Variants in PPARGC1B observed in about 807,000 individuals in gnomAD.
The protein encoded by PPARGC1B is peroxisome proliferator-activated receptor gamma coactivator 1-beta.
PPARGC1B carries 34 observed loss-of-function variants against 101.6 expected under a neutral mutation model. The ratio of observed to expected loss-of-function variants is 0.33; its 90% CI spans 0.25 to 0.45. The LOEUF is 0.45. Among genes scored for constraint, PPARGC1B ranks in the 20% least tolerant of loss-of-function variants. PPARGC1B has a pLI of 1.00. For missense variants in PPARGC1B, 1,234 were observed against 1,317.6 expected (o/e 0.94, Z 0.98); for synonymous variants, 548 against 539.3 (o/e 1.02, Z -0.22).
rs756253235 is a variant in PPARGC1B, at chr5:149,833,203, C to T, written c.1130C>T (p.Pro377Leu). 6 of 1,613,350 alleles carry T rather than the reference C, an allele frequency of 3.7e-6. No individual in the cohort carries two copies. Among genetic ancestry groups the T allele is most frequent in the Non-Finnish European group, 5.1e-6 (6 of 1,180,006 alleles). ...ASLTPRSRPR[P>L]PKDSQASPGR... Reference sequence around the variant, plus strand: ...CTCACACCTCGGTCAAGGCCCAGGCCCCCCAAAGACAGTCAGGCCTCCCCT... The same window carrying T: ...CTCACACCTCGGTCAAGGCCCAGGCTCCCCAAAGACAGTCAGGCCTCCCCT... Residue 377 changes from proline (P) to leucine (L), a missense_variant, in exon 5 of 12, where the codon CCC (proline) becomes CTC (leucine). Physicochemically the swap from Pro to Leu is moderately conservative, Grantham distance 98 (BLOSUM62 -3). Transcript: ENST00000309241. The surrounding 1 kb of genome is among the most constrained non-coding windows in gnomAD (Gnocchi z 4.1).
At chr5:149,776,838 C>T (rs551413221) in intron 1 of PPARGC1B, among the ~76,000 whole-genome samples, 73 of 152,302 alleles carry the variant, frequency 4.8e-4, no homozygotes, top group African/African-American at 1.6e-3. Context: ...TGGAAATGGC[C>T]CCGTAACCTT....
chr5:149,803,068 C>T (rs932994311), intron 1 of PPARGC1B, among the ~76,000 whole-genome samples: 3 of 152,182 alleles, frequency 2.0e-5, no homozygotes, highest in African/African-American at 7.2e-5. Flanking sequence ...TGACACTTTT[C>T]CACCCTGCCC....
chr5:149,781,481 A>C (rs990667065), intron 1 of PPARGC1B, among the ~76,000 whole-genome samples: 2 of 152,210 alleles, frequency 1.3e-5, no homozygotes, highest in Non-Finnish European at 2.9e-5. Context: ...TCTGCCTCTC[A>C]GTCTTCTTGT....
intron 2 of PPARGC1B, among the ~76,000 whole-genome samples, chr5:149,825,084 C>T (rs546202020): frequency 2.6e-5 from 4 of 151,954 alleles, no homozygotes; most frequent in South Asian, 4.2e-4. Flanking sequence ...TGCCTTCTGC[C>T]AGAACAGCCC....
chr5:149,856,031 C>T (rs1487146479), downstream of PPARGC1B, among the ~76,000 whole-genome samples: 1 of 152,080 alleles, frequency 6.6e-6, no homozygotes, highest in Non-Finnish European at 1.5e-5. Context: ...GCAGGAGAAT[C>T]GCTTGAACCC....
chr5:149,784,505 A>G (rs1273103162), intron 1 of PPARGC1B, among the ~76,000 whole-genome samples: 1 of 141,918 alleles, frequency 7.0e-6, no homozygotes, highest in Admixed American at 7.4e-5. Context: ...GGCCCTGCAT[A>G]CCTCACCCTC....
intron 1 of PPARGC1B, among the ~76,000 whole-genome samples, chr5:149,743,908 G>C (rs1754995279): frequency 6.6e-6 from 1 of 152,200 alleles, no homozygotes; most frequent in South Asian, 2.1e-4. Flanking sequence ...CTCAACTGGG[G>C]AGGGGCTCAG....
In PPARGC1B at chr5:149,730,869, T is replaced by C. The variant is rs941565430; in HGVS notation, c.78+449T>C. ...TGCCCGGGTCTCCGGAGTCCCCTAGTCCTCCAGGCTGTAGTCCCCAGAGTG... is the reference window on the plus strand; with the variant it reads ...TGCCCGGGTCTCCGGAGTCCCCTAGCCCTCCAGGCTGTAGTCCCCAGAGTG... On this transcript the variant is annotated intron_variant, in intron 1 of 11. Transcript: ENST00000309241. This position sits in a 1 kb window ranked among gnomAD's most constrained non-coding sequence, Gnocchi z 4.0. Among the ~76,000 whole-genome samples the C allele has an allele frequency of 2.6e-5, 4 of 152,170 alleles. No homozygotes were observed. The highest frequency in any genetic ancestry group is 9.7e-5 in the African/African-American group (4 of 41,450).
chr5:149,812,485 G>A (rs1757903562), intron 1 of PPARGC1B, among the ~76,000 whole-genome samples: 1 of 152,168 alleles, frequency 6.6e-6, no homozygotes, highest in Non-Finnish European at 1.5e-5. Flanking sequence ...TCATTGATGG[G>A]TGATAGAAAC....
At chr5:149,809,901 AC>A (rs1466417259) in intron 1 of PPARGC1B, among the ~76,000 whole-genome samples, 10 of 151,888 alleles carry the variant, frequency 6.6e-5, no homozygotes, top group African/African-American at 2.4e-4. Context: ...GGGACGTTCA[AC>A]CTGGGATGAG....
intron 7 of PPARGC1B, among the ~76,000 whole-genome samples, chr5:149,835,918 G>T (rs781186182): frequency 6.6e-6 from 1 of 151,212 alleles, no homozygotes; most frequent in African/African-American, 2.4e-5. Flanking sequence ...AAGGCACTTG[G>T]CCATTTTATT....
chr5:149,853,799 A>G lies in PPARGC1B; in HGVS notation c.*6241A>G, dbSNP rs751830048. 1.3e-5 allele frequency: 2 copies of G among 152,230 alleles called. No individual in the cohort carries two copies. The highest frequency in any genetic ancestry group is 4.8e-5 in the African/African-American group (2 of 41,462). The allele number at this position is 152,230 out of a possible 1,614,324, so 9.4% of individuals were successfully genotyped here. A position where few individuals can be genotyped will look rare whatever the true frequency, so the allele number is the denominator to read the frequency against. On this transcript the variant is annotated 3_prime_UTR_variant, in exon 12 of 12. Transcript: ENST00000309241. This position sits in a 1 kb window ranked among gnomAD's most constrained non-coding sequence, Gnocchi z 4.2. ...GTGGGAAATCTCAAGGGGAGCGTGG[A>G]CAAGGTGGTATGTGCAGCAGGGGAA...
rs940412117 is a variant in PPARGC1B, at chr5:149,852,362, A to T, written c.*4804A>T. On this transcript the variant is annotated 3_prime_UTR_variant, in exon 12 of 12. Coordinates refer to ENST00000309241, the MANE Select transcript of PPARGC1B (RefSeq NM_133263.4). ...CACCTCTGAGAGGCTCAGATCCCCA[A>T]CCAGGAGCATTGGGAATCCATCACT... 1.3e-5 allele frequency: 2 copies of T among 152,130 alleles called. No homozygotes were observed. The highest frequency in any genetic ancestry group is 1.3e-4 in the Admixed American group (2 of 15,276). 9.4% of individuals were successfully genotyped at this position (152,130 alleles called of 1,614,324 possible).
intron 1 of PPARGC1B, among the ~76,000 whole-genome samples, chr5:149,819,470 G>GTGTT (rs72216498): frequency 2.0e-5 from 3 of 151,364 alleles, no homozygotes; most frequent in South Asian, 4.2e-4. Context: ...CATGATATGG[G>GTGTT]TGTTTGTTTG....
chr5:149,791,586 T>G (rs574951320), intron 1 of PPARGC1B, among the ~76,000 whole-genome samples: 106 of 152,234 alleles, frequency 7.0e-4, no homozygotes, highest in Non-Finnish European at 1.2e-3. Context: ...GTTGTGATCT[T>G]ATGGTCTGGA....
intron 1 of PPARGC1B, among the ~76,000 whole-genome samples, chr5:149,816,671 G>C (rs251464): frequency 0.35 from 53,594 of 152,080 alleles, 10,499 homozygotes; most frequent in African/African-American, 0.51. Context: ...AAGAAGCAAG[G>C]CCTACAAAGG....
chr5:149,822,516 G>A (rs931624343), intron 2 of PPARGC1B, among the ~76,000 whole-genome samples: 7 of 152,216 alleles, frequency 4.6e-5, no homozygotes, highest in African/African-American at 9.7e-5. Context: ...CCTGCCCATC[G>A]GAAACTCTGA....
intron 1 of PPARGC1B, among the ~76,000 whole-genome samples, chr5:149,748,415 G>A (rs548164758): frequency 6.6e-6 from 1 of 152,222 alleles, no homozygotes; most frequent in African/African-American, 2.4e-5. Flanking sequence ...TGGGTGTTAT[G>A]ATCAATAATA....
chr5:149,793,337 A>T (rs1413648063), intron 1 of PPARGC1B, among the ~76,000 whole-genome samples: 1 of 152,240 alleles, frequency 6.6e-6, no homozygotes, highest in East Asian at 1.9e-4. Flanking sequence ...AGGTGATTCT[A>T]TCATCAAGTC....
Sources: allele counts gnomAD v4.1 joint callset (sites outside exome capture counted in the v4.1 genomes callset), GRCh38; gene constraint gnomAD v4.1.1; non-coding constraint Gnocchi (gnomAD v3.1); transcripts MANE v1.5; gene names NCBI Gene and HGNC (gene_info 2026-07-23, HGNC 2026-07-21).